SPHKAP: variants seen among roughly 807,000 people sequenced by gnomAD.
SPHKAP encodes SPHK1 interactor, AKAP domain containing, also known as A-kinase anchor protein SPHKAP.
A neutral mutation model predicts 137.5 loss-of-function variants in SPHKAP; 67 were observed. The observed-to-expected ratio is 0.49, with a 90% confidence interval of 0.40 to 0.60. The LOEUF (loss-of-function observed/expected upper bound fraction) is 0.60. SPHKAP is among the 20% of genes least tolerant of loss of function. The pLI is 0.00. For missense variants in SPHKAP, 2,097 were observed against 2,069.3 expected (o/e 1.01, Z -0.26); for synonymous variants, 813 against 785.3 (o/e 1.04, Z -0.59).
In SPHKAP at chr2:227,992,618, G is replaced by C. The variant is rs147488307; in HGVS notation, c.4721+916C>G. Among the ~76,000 whole-genome samples the C allele has an allele frequency of 3.2e-3, 493 of 152,130 alleles. 2 individuals carry two copies. The highest frequency in any genetic ancestry group is 0.011 in the African/African-American group (468 of 41,530). On this transcript the variant is annotated intron_variant, in intron 9 of 11. Transcript: ENST00000392056. ...GGTTTCTCCTTAAAACAAAAGAAAA[G>C]AAAACAAAACAAAACAAAAAAACAA...
At chr2:228,033,895 T>C (rs553047628) in intron 3 of SPHKAP, among the ~76,000 whole-genome samples, 1 of 152,190 alleles carries the variant, frequency 6.6e-6, no homozygotes, top group African/African-American at 2.4e-5. Context: ...TAGAGGGAAA[T>C]TTATACCACT....
At chr2:228,067,833 A>T (rs1455457454) in intron 3 of SPHKAP, among the ~76,000 whole-genome samples, 1 of 152,214 alleles carries the variant, frequency 6.6e-6, no homozygotes, top group Non-Finnish European at 1.5e-5. Context: ...GGTCCCTATC[A>T]CGTATTCAAT....
chr2:228,127,676 C>T (rs536911582), intron 2 of SPHKAP, among the ~76,000 whole-genome samples: 2 of 152,158 alleles, frequency 1.3e-5, no homozygotes, highest in East Asian at 1.9e-4. Flanking sequence ...CTGAACTTGC[C>T]GATGTCTATT....
chr2:228,033,432 A>G (rs1164859598), intron 3 of SPHKAP, among the ~76,000 whole-genome samples: 1 of 152,200 alleles, frequency 6.6e-6, no homozygotes, highest in Non-Finnish European at 1.5e-5. Context: ...TAATAACGGG[A>G]GAGTTTAACA....
At position 228,020,269 on chromosome 2, in the gene SPHKAP, T is replaced by C. The variant is rs1256381972; in HGVS notation, c.698-113A>G. ...ACATCAATAAAGACACATGCACACA[T>C]ATGTTTATTGCAGCACTATTCACAA... On this transcript the variant is annotated intron_variant, in intron 6 of 11. Coordinates refer to ENST00000392056, the MANE Select transcript of SPHKAP (RefSeq NM_001142644.2). The C allele has an allele frequency of 2.8e-6, 4 of 1,419,654 alleles. No homozygotes were observed. The East Asian group carries it at 6.9e-5, about 25-fold the overall frequency. The allele number at this position is 1,419,654 out of a possible 1,614,324, so 87.9% of individuals were successfully genotyped here.
intron 2 of SPHKAP, among the ~76,000 whole-genome samples, chr2:228,110,258 A>G (rs1401631642): frequency 2.0e-5 from 3 of 151,986 alleles, no homozygotes; most frequent in Non-Finnish European, 4.4e-5. Flanking sequence ...ATTGTGACAC[A>G]TTTTAGATGA....
At position 228,155,797 on chromosome 2, in the gene SPHKAP, T is replaced by C. The variant is rs1046848354; in HGVS notation, c.33-23712A>G. Among the ~76,000 whole-genome samples the C allele has an allele frequency of 3.3e-5, 5 of 152,210 alleles. No individual in the cohort carries two copies. In the East Asian group the frequency reaches 9.6e-4, roughly 29 times the overall value. ...CTAAAATGTCCAAAAGTGCTATACA[T>C]ATATCTTTGAGAGAAATCCTATAAA... On this transcript the variant is annotated intron_variant, in intron 1 of 11. Coordinates refer to ENST00000392056, the MANE Select transcript of SPHKAP (RefSeq NM_001142644.2).
At chr2:228,032,002 C>T (rs1215339540) in intron 3 of SPHKAP, among the ~76,000 whole-genome samples, 10 of 152,180 alleles carry the variant, frequency 6.6e-5, no homozygotes, top group Non-Finnish European at 1.2e-4. Context: ...AACGCAGCTC[C>T]TCACCAGCAA....
intron 1 of SPHKAP, among the ~76,000 whole-genome samples, chr2:228,166,881 T>C (rs960047481): frequency 1.3e-5 from 2 of 152,104 alleles, no homozygotes; most frequent in African/African-American, 4.8e-5. Flanking sequence ...TTCCAGAAAG[T>C]TTTCTGGAAG....
At chr2:228,111,337 T>C (rs1698509715) in intron 2 of SPHKAP, among the ~76,000 whole-genome samples, 1 of 152,122 alleles carries the variant, frequency 6.6e-6, no homozygotes, top group African/African-American at 2.4e-5. Context: ...TCTGGTGGGA[T>C]CACTGAGGGT....
At chr2:228,161,026 G>A (rs1227550254) in intron 1 of SPHKAP, among the ~76,000 whole-genome samples, 1 of 152,230 alleles carries the variant, frequency 6.6e-6, no homozygotes, top group Non-Finnish European at 1.5e-5. Context: ...CAAGCTCACA[G>A]TGAGTGGATA....
intron 1 of SPHKAP, among the ~76,000 whole-genome samples, chr2:228,148,278 G>A (rs1375861850): frequency 6.6e-6 from 1 of 152,122 alleles, no homozygotes; most frequent in Non-Finnish European, 1.5e-5. Context: ...GCCAGTCCTA[G>A]GTTTCCATGC....
At chr2:228,134,831 C>T (rs940514896) in intron 1 of SPHKAP, among the ~76,000 whole-genome samples, 1 of 152,158 alleles carries the variant, frequency 6.6e-6, no homozygotes, top group Non-Finnish European at 1.5e-5. Context: ...CCCTTTCATG[C>T]AGGCCATCCC....
At chr2:228,088,387 T>G (rs1175691349) in intron 3 of SPHKAP, among the ~76,000 whole-genome samples, 1 of 152,142 alleles carries the variant, frequency 6.6e-6, no homozygotes, top group Non-Finnish European at 1.5e-5. Context: ...AAATTGTAAA[T>G]GGTAAGTATT....
intron 1 of SPHKAP, chr2:228,172,954 A>G (rs1477843177): frequency 8.8e-5 from 71 of 810,198 alleles, no homozygotes; most frequent in Non-Finnish European, 1.1e-4. Context: ...AGCAAGTACA[A>G]TCCTGCCCTA....
intron 1 of SPHKAP, among the ~76,000 whole-genome samples, chr2:228,145,055 C>T (rs1331274979): frequency 6.6e-6 from 1 of 152,176 alleles, no homozygotes; most frequent in African/African-American, 2.4e-5. Context: ...GTTGTATATG[C>T]AGATAGGTGG....
At chr2:228,086,547 C>T (rs566083615) in intron 3 of SPHKAP, among the ~76,000 whole-genome samples, 12 of 152,162 alleles carry the variant, frequency 7.9e-5, no homozygotes, top group East Asian at 1.9e-4. Context: ...TAGGTCCTAC[C>T]GATAAGATTG....
intron 3 of SPHKAP, among the ~76,000 whole-genome samples, chr2:228,072,541 A>G (rs1469571713): frequency 6.6e-6 from 1 of 152,146 alleles, no homozygotes; most frequent in Non-Finnish European, 1.5e-5. Context: ...ACACGTGTCT[A>G]TCAGGAGGTG....
At chr2:228,099,099 C>A (rs952338652) in intron 3 of SPHKAP, among the ~76,000 whole-genome samples, 5 of 152,134 alleles carry the variant, frequency 3.3e-5, no homozygotes, top group African/African-American at 1.2e-4. Flanking sequence ...GACAAAAATT[C>A]TTTGTCAAGG....
Sources: gnomAD v4.1 joint callset for allele counts (sites outside exome capture counted in the v4.1 genomes callset) on GRCh38, gnomAD v4.1.1 for gene constraint, MANE v1.5 for transcripts, NCBI Gene and HGNC (gene_info 2026-07-23, HGNC 2026-07-21) for gene names.